The following CBLN2 variants were observed in gnomAD, a reference collection of about 807,000 sequenced individuals.
The protein encoded by CBLN2 is cerebellin-2.
CBLN2 carries 7 observed loss-of-function variants against 15.0 expected under a neutral mutation model. The ratio of observed to expected loss-of-function variants is 0.47; its 90% CI spans 0.27 to 0.88. The LOEUF (loss-of-function observed/expected upper bound fraction) is 0.88, where lower values mean the gene tolerates loss of function less well. Among genes scored for constraint, CBLN2 ranks in the 40% least tolerant of loss-of-function variants. The probability of loss-of-function intolerance (pLI) is 0.14; values close to 1 mark genes in which losing one functional copy is unlikely to be tolerated. For synonymous variants in CBLN2, 149 were observed against 135.2 expected, an observed-to-expected ratio of 1.10 and a Z score of -0.71; for missense variants, 242 against 304.5, an observed-to-expected ratio of 0.79 and a Z score of 1.53.
chr18:72,607,361 C>T (rs775697803), intron 1 of CBLN2, among the ~76,000 whole-genome samples: 4 of 152,184 alleles, frequency 2.6e-5, no homozygotes, highest in Non-Finnish European at 4.4e-5. Context: ...AAGGCATATC[C>T]GCCCCACTTG....
At chr18:72,624,359 A>G (rs2069720877) in intron 1 of CBLN2, among the ~76,000 whole-genome samples, 1 of 151,986 alleles carries the variant, frequency 6.6e-6, no homozygotes, top group Admixed American at 6.6e-5. Context: ...TATTGCAATT[A>G]CCCTAACTAA....
chr18:72,630,382 G>C (rs5023430), intron 1 of CBLN2, among the ~76,000 whole-genome samples: 1 of 152,030 alleles, frequency 6.6e-6, no homozygotes, highest in Admixed American at 6.6e-5. Context: ...ATTACACAGC[G>C]GACTTCCTAA....
chr18:72,565,627 GGTACA>G (rs1454627830), intron 1 of CBLN2, among the ~76,000 whole-genome samples: 1 of 152,038 alleles, frequency 6.6e-6, no homozygotes, highest in African/African-American at 2.4e-5. Context: ...ACACATAAAA[GGTACA>G]GTAGTTACAC....
chr18:72,626,551 T>C (rs1378049370), intron 1 of CBLN2, among the ~76,000 whole-genome samples: 1 of 151,756 alleles, frequency 6.6e-6, no homozygotes, highest in Admixed American at 6.6e-5. Context: ...AATGCAAAAA[T>C]TAGCTGGGCG....
At chr18:72,556,492 G>T (rs1405690587) in intron 1 of CBLN2, among the ~76,000 whole-genome samples, 1 of 152,174 alleles carries the variant, frequency 6.6e-6, no homozygotes, top group Non-Finnish European at 1.5e-5. Context: ...AAAGAGAAAA[G>T]AAAAGAAAAG....
chr18:72,552,098 C>CTTT (rs531266914), intron 1 of CBLN2, among the ~76,000 whole-genome samples: 1 of 142,046 alleles, frequency 7.0e-6, no homozygotes. Flanking sequence ...GAGCAAGATA[C>CTTT]TTTTTTTTTT....
At position 72,537,888 on chromosome 18, in the gene CBLN2, G is replaced by A. The variant is rs961473771; in HGVS notation, c.*288C>T. 1.8e-5 allele frequency: 8 copies of A among 445,402 alleles called. No homozygotes were observed. The highest frequency in any genetic ancestry group is 5.9e-5 in the African/African-American group (3 of 50,608). 27.6% of individuals were successfully genotyped at this position (445,402 alleles called of 1,614,324 possible). A position where few individuals can be genotyped will look rare whatever the true frequency, so the allele number is the denominator to read the frequency against. On this transcript the variant is annotated 3_prime_UTR_variant, in exon 5 of 5. Coordinates refer to ENST00000269503, the MANE Select transcript of CBLN2 (RefSeq NM_182511.4). The stretch of plus-strand genomic sequence containing the variant: ...GTCCATGGTCCCAACAATAAAATCC[G>A]ATATTGACTTTACAATCACAGGTAC...
chr18:72,614,967 T>C (rs2069646998), intron 1 of CBLN2, among the ~76,000 whole-genome samples: 1 of 147,630 alleles, frequency 6.8e-6, no homozygotes, highest in African/African-American at 2.5e-5. Context: ...GGCCTGAGCT[T>C]GACAATGCTG....
At chr18:72,561,909 C>T (rs1281078756) in intron 1 of CBLN2, among the ~76,000 whole-genome samples, 1 of 152,158 alleles carries the variant, frequency 6.6e-6, no homozygotes, top group Non-Finnish European at 1.5e-5. Flanking sequence ...TATCTCAAGA[C>T]ACTAGGTGTG....
At chr18:72,572,528 T>C (rs542398240) in intron 1 of CBLN2, among the ~76,000 whole-genome samples, 2 of 152,290 alleles carry the variant, frequency 1.3e-5, no homozygotes, top group African/African-American at 2.4e-5. Context: ...TCTGAATGAT[T>C]GTCAAATTTG....
intron 1 of CBLN2, among the ~76,000 whole-genome samples, chr18:72,553,860 A>G (rs2069207142): frequency 1.3e-5 from 2 of 152,216 alleles, no homozygotes; most frequent in South Asian, 2.1e-4. Context: ...AACTCTGATC[A>G]AAGATCTGAA....
intron 1 of CBLN2, among the ~76,000 whole-genome samples, chr18:72,578,565 G>A (rs118151132): frequency 4.7e-4 from 72 of 152,238 alleles, no homozygotes; most frequent in Admixed American, 9.8e-4. Context: ...TACTAAGTAT[G>A]CTTATGAAGT....
chr18:72,632,540 T>G lies in CBLN2; in HGVS notation c.15+5785A>C, dbSNP rs147443081. On this transcript the variant is annotated intron_variant, in intron 1 of 2. Coordinates refer to the CBLN2 transcript ENST00000581073. Reference sequence around the variant, plus strand: ...TGCTGTGAACTTTGTCTCCCAGCTCTCCTCCATTTAATCACTCTTTTACAA... The same window carrying G: ...TGCTGTGAACTTTGTCTCCCAGCTCGCCTCCATTTAATCACTCTTTTACAA... Among the ~76,000 whole-genome samples, 393 of 152,302 alleles carry G rather than the reference T, an allele frequency of 2.6e-3. 1 individual carries two copies. Among genetic ancestry groups the G allele is most frequent in the African/African-American group, 8.9e-3 (368 of 41,580 alleles).
intron 1 of CBLN2, among the ~76,000 whole-genome samples, chr18:72,629,209 A>T (rs1007179108): frequency 3.3e-5 from 5 of 152,176 alleles, no homozygotes; most frequent in Non-Finnish European, 4.4e-5. Flanking sequence ...TTGATTAATT[A>T]AAAAAAGTGC....
chr18:72,564,846 CA>C (rs138951591), intron 1 of CBLN2, among the ~76,000 whole-genome samples: 20,930 of 152,062 alleles, frequency 0.14, 1,897 homozygotes, highest in Admixed American at 0.28. Flanking sequence ...CTCTCCAAAG[CA>C]CATTATAATC....
chr18:72,575,994 G>T (rs2069364194), intron 1 of CBLN2, among the ~76,000 whole-genome samples: 1 of 152,072 alleles, frequency 6.6e-6, no homozygotes. Context: ...CTTCCATTTT[G>T]TAAGCTATTA....
chr18:72,552,474 T>G (rs1381465052), intron 1 of CBLN2: 2 of 152,168 alleles, frequency 1.3e-5, no homozygotes, highest in African/African-American at 4.8e-5. Context: ...TACATAAAAA[T>G]CAACAAACTC....
chr18:72,540,744 T>C (rs898884111), intron 3 of CBLN2, among the ~76,000 whole-genome samples: 1 of 152,120 alleles, frequency 6.6e-6, no homozygotes, highest in East Asian at 1.9e-4. Context: ...CTGACTTAAA[T>C]AGAGTCAAGA....
At chr18:72,583,173 C>T (rs1300458998) in intron 1 of CBLN2, among the ~76,000 whole-genome samples, 1 of 152,180 alleles carries the variant, frequency 6.6e-6, no homozygotes, top group Non-Finnish European at 1.5e-5. Context: ...GCCTGGCAGG[C>T]AAGTTTCTCC....
Sources: allele counts gnomAD v4.1 joint callset (sites outside exome capture counted in the v4.1 genomes callset), GRCh38; gene constraint gnomAD v4.1.1; transcripts MANE v1.5; gene names NCBI Gene and HGNC (gene_info 2026-07-23, HGNC 2026-07-21).